Variants in SLC35B4 observed in about 807,000 individuals in gnomAD.
The protein encoded by SLC35B4 is solute carrier family 35 member B4, also known as nucleotide sugar transporter SLC35B4.
Under a neutral mutation model 39.5 loss-of-function variants are expected in SLC35B4, and 28 were observed. The observed-to-expected ratio is 0.71, with a 90% CI of 0.53 to 0.97. The LOEUF is 0.97. Among genes scored for constraint, SLC35B4 ranks in the 50% least tolerant of loss-of-function variants. SLC35B4 has a pLI of 0.00. For synonymous variants in SLC35B4, 145 were observed against 150.4 expected, an observed-to-expected ratio of 0.96 and a Z score of 0.26; for missense variants, 334 against 414.3, an observed-to-expected ratio of 0.81 and a Z score of 1.68.
At chr7:134,306,987 T>C (rs1727241969) in intron 2 of SLC35B4, among the ~76,000 whole-genome samples, 1 of 152,222 alleles carries the variant, frequency 6.6e-6, no homozygotes, top group South Asian at 2.1e-4. Context: ...ATAAAATACA[T>C]TTAAAGAAAC....
At chr7:134,299,904 G>A (rs1043543324) in intron 7 of SLC35B4, among the ~76,000 whole-genome samples, 1 of 152,140 alleles carries the variant, frequency 6.6e-6, no homozygotes, top group African/African-American at 2.4e-5. Context: ...TAGTCTTTCT[G>A]CACAAAAGGA....
intron 1 of SLC35B4, 90 bp downstream of exon 1, chr7:134,316,585 C>T: frequency 7.3e-7 from 1 of 1,363,904 alleles, no homozygotes; most frequent in Middle Eastern, 2.5e-4. Context: ...GGGGTGGGGA[C>T]AGGGCGTGGG....
intron 2 of SLC35B4, among the ~76,000 whole-genome samples, chr7:134,308,468 T>A (rs1803759981): frequency 6.6e-6 from 1 of 152,138 alleles, no homozygotes. Context: ...ATGCAGATAC[T>A]AAAGCAAATG....
In SLC35B4 at chr7:134,299,521, A is replaced by T; in HGVS notation, c.673+2T>A. The T allele has an allele frequency of 6.2e-7, 1 of 1,612,910 alleles. No homozygotes were observed. Among genetic ancestry groups the T allele is most frequent in the Non-Finnish European group, 8.5e-7 (1 of 1,178,976 alleles). ...AATTCTACTGTCTAACCCCAAACTCACCAGACTTATTGAATAGAACTGCAT... is the reference window on the plus strand; with the variant it reads ...AATTCTACTGTCTAACCCCAAACTCTCCAGACTTATTGAATAGAACTGCAT... On this transcript the variant is annotated splice_donor_variant, in intron 8 of 9. Transcript: ENST00000378509. LOFTEE classifies it high-confidence loss of function.
In SLC35B4 at chr7:134,295,012, C is replaced by G; in HGVS notation, c.817G>C (p.Val273Leu). The change falls in exon 10 of 10, where the codon GTG (valine) becomes CTG (leucine). Residue 273 changes from valine to leucine, a missense_variant. By Grantham distance (32) the Val-to-Leu change is conservative. Coordinates refer to ENST00000378509, the MANE Select transcript of SLC35B4 (RefSeq NM_032826.5). The part of the protein sequence containing the change: ...ECASLTVTLV[V>L]TLRKFVSLIF... ...AGGCTCACAAATTTGCGTAGGGTCACGACGAGCGTGACGGTGAGGGAGGCG... is the reference window on the plus strand; with the variant it reads ...AGGCTCACAAATTTGCGTAGGGTCAGGACGAGCGTGACGGTGAGGGAGGCG... 6.2e-7 allele frequency: 1 copy of G among 1,614,154 alleles called. No homozygotes were observed. The highest frequency in any genetic ancestry group is 8.5e-7 in the Non-Finnish European group (1 of 1,180,030).
At chr7:134,309,575 G>T in intron 1 of SLC35B4, 96 bp from the exon 2 acceptor site, 2 of 783,510 alleles carry the variant, frequency 2.6e-6, no homozygotes, top group East Asian at 2.7e-5. Context: ...ATAACAGCGT[G>T]GATGGATTTC....
At chr7:134,308,917 AT>A (rs1259044755) in intron 2 of SLC35B4, among the ~76,000 whole-genome samples, 1 of 152,234 alleles carries the variant, frequency 6.6e-6, no homozygotes, top group East Asian at 1.9e-4. Flanking sequence ...AAAATTAACC[AT>A]TTTAAAGTGA....
chr7:134,291,225 G>A lies in SLC35B4; in HGVS notation c.*3608C>T, dbSNP rs756871856. ...TCTACATTAACCCTTCACATTCATCGTCATCTACAGATATGGCATTCACAC... is the reference window on the plus strand; with the variant it reads ...TCTACATTAACCCTTCACATTCATCATCATCTACAGATATGGCATTCACAC... On this transcript the variant is annotated 3_prime_UTR_variant, in exon 10 of 10. Coordinates refer to ENST00000378509, the MANE Select transcript of SLC35B4 (RefSeq NM_032826.5). The A allele has an allele frequency of 2.0e-4, 30 of 152,084 alleles. No homozygotes were observed. Among genetic ancestry groups the A allele is most frequent in the African/African-American group, 3.6e-4 (15 of 41,376 alleles). The allele number at this position is 152,084 out of a possible 1,614,324, so 9.4% of individuals were successfully genotyped here.
upstream of SLC35B4, among the ~76,000 whole-genome samples, chr7:134,318,079 G>A (rs1804035102): frequency 6.6e-6 from 1 of 152,214 alleles, no homozygotes; most frequent in Non-Finnish European, 1.5e-5. Flanking sequence ...TCTTTCTCGA[G>A]ATCTACAAAA....
intron 9 of SLC35B4, among the ~76,000 whole-genome samples, chr7:134,295,643 G>A (rs1179930370): frequency 1.3e-5 from 2 of 151,840 alleles, no homozygotes; most frequent in Non-Finnish European, 2.9e-5. Flanking sequence ...CTAGAGTGCA[G>A]TGGAGTGATC....
At chr7:134,303,181 C>T (rs889133683) in intron 4 of SLC35B4, among the ~76,000 whole-genome samples, 1 of 152,066 alleles carries the variant, frequency 6.6e-6, no homozygotes, top group East Asian at 1.9e-4. Flanking sequence ...AATTCCTGCT[C>T]AATGGGAAAG....
In SLC35B4 at chr7:134,300,262, C is replaced by A; in HGVS notation, c.488-1G>T. The stretch of plus-strand genomic sequence containing the variant: ...AGAGCAAAAGTCAATGCCCCAATAC[C>A]TAAAAAACAAACATCAGGTGACAAG... On this transcript the variant is annotated splice_acceptor_variant, in intron 6 of 9. Transcript: ENST00000378509. LOFTEE classifies it high-confidence loss of function. 6.3e-7 allele frequency: 1 copy of A among 1,593,334 alleles called. No homozygotes were observed. The highest frequency in any genetic ancestry group is 8.5e-7 in the Non-Finnish European group (1 of 1,171,854).
intron 4 of SLC35B4, among the ~76,000 whole-genome samples, chr7:134,304,234 C>G (rs57542305): frequency 6.6e-6 from 1 of 151,790 alleles, no homozygotes; most frequent in Admixed American, 6.6e-5. Context: ...ACCAAAAATA[C>G]AAAAAAGTTA....
chr7:134,305,049 C>T (rs1046868049), intron 3 of SLC35B4, among the ~76,000 whole-genome samples, 195 bp from the exon 4 acceptor site: 2 of 152,180 alleles, frequency 1.3e-5, no homozygotes, highest in Non-Finnish European at 2.9e-5. Context: ...TGGCCGGGCG[C>T]GGTGGCTCAC....
Position 134,306,774 on chromosome 7 carries a change from C to T in SLC35B4, c.192G>A (p.Arg64=), listed in dbSNP as rs749646536. ...ACATGGTCACCATTATGGCATAGTA[C>T]CTGAAATGCAGACAGAACAGCTCAT... The part of the protein sequence containing the change: ...LGRKPPAIPI[R]YYAIMVTMFF... Residue 64 remains arginine, a splice_region_variant and synonymous_variant, in exon 3 of 10, where the codon AGG becomes AGA. Transcript: ENST00000378509. The T allele has an allele frequency of 3.7e-6, 6 of 1,609,734 alleles. No individual in the cohort carries two copies. In the East Asian group the frequency reaches 6.7e-5, roughly 18 times the overall value.
intron 2 of SLC35B4, among the ~76,000 whole-genome samples, chr7:134,308,631 A>C (rs947808969): frequency 2.0e-5 from 3 of 152,242 alleles, no homozygotes; most frequent in African/African-American, 7.2e-5. Flanking sequence ...ATACTTGGAT[A>C]TATTCACACC....
At chr7:134,304,945 A>T (rs1444788233) in intron 3 of SLC35B4, 91 bp from the exon 4 acceptor site, 3 of 943,056 alleles carry the variant, frequency 3.2e-6, no homozygotes, top group Non-Finnish European at 5.1e-6. Context: ...GCAAGGGGAA[A>T]AAACATGGAA....
chr7:134,299,053 T>G (rs937801075), intron 8 of SLC35B4, among the ~76,000 whole-genome samples: 1 of 152,240 alleles, frequency 6.6e-6, no homozygotes, highest in African/African-American at 2.4e-5. Context: ...CTGTCTCATC[T>G]GTAACTAGGA....
In SLC35B4 at chr7:134,300,249, A is replaced by G; in HGVS notation, c.500T>C (p.Leu167Ser). 6.2e-7 allele frequency: 1 copy of G among 1,609,742 alleles called. No individual in the cohort carries two copies. Among genetic ancestry groups the G allele is most frequent in the Non-Finnish European group, 8.5e-7 (1 of 1,178,398 alleles). Reference sequence around the variant, plus strand: ...TGCTGACATCAGAAGAGCAAAAGTCAATGCCCCAATACCTAAAAAACAAAC... The same window carrying G: ...TGCTGACATCAGAAGAGCAAAAGTCGATGCCCCAATACCTAAAAAACAAAC... ...FVWWLLGIGALTFALLMSARM... is the reference protein window; with the variant it reads ...FVWWLLGIGASTFALLMSARM... Residue 167 changes from leucine (L) to serine (S), a missense_variant, in exon 7 of 10, where the codon TTG becomes TCG. Physicochemically the swap from Leu to Ser is moderately radical, Grantham distance 145. Transcript: ENST00000378509.
Sources: gnomAD v4.1 joint callset for allele counts (sites outside exome capture counted in the v4.1 genomes callset) on GRCh38, gnomAD v4.1.1 for gene constraint, MANE v1.5 for transcripts, NCBI Gene and HGNC (gene_info 2026-07-23, HGNC 2026-07-21) for gene names.